SPECC1L: variants seen among roughly 807,000 people sequenced by gnomAD.
SPECC1L encodes cytospin-A.
Under a neutral mutation model 116.8 loss-of-function variants are expected in SPECC1L, and 40 were observed. That is an observed-to-expected ratio of 0.34 (90% CI 0.27 to 0.45). The LOEUF is 0.45. Ranked by LOEUF, SPECC1L falls within the 20% of genes least tolerant of loss-of-function variation. The pLI, the probability that SPECC1L is intolerant of heterozygous loss-of-function variation, is 1.00. For missense variants in SPECC1L, 1,110 were observed against 1,373.6 expected, an observed-to-expected ratio of 0.81 and a Z score of 3.03; for synonymous variants, 504 against 500.6, an observed-to-expected ratio of 1.01 and a Z score of -0.09.
At chr22:24,320,888 C>T (rs2040708050) in intron 4 of SPECC1L, among the ~76,000 whole-genome samples, 1 of 152,154 alleles carries the variant, frequency 6.6e-6, no homozygotes, top group South Asian at 2.1e-4. Flanking sequence ...AGTTAGTTTA[C>T]CACCGACTGG....
chr22:24,329,712 A>T (rs1601563612), intron 7 of SPECC1L, among the ~76,000 whole-genome samples: 1 of 152,154 alleles, frequency 6.6e-6, no homozygotes, highest in Admixed American at 6.5e-5. Context: ...CAGACCACGT[A>T]GTTCCTTACC....
chr22:24,294,881 C>T (rs1356696365), intron 2 of SPECC1L, among the ~76,000 whole-genome samples: 1 of 152,172 alleles, frequency 6.6e-6, no homozygotes, highest in South Asian at 2.1e-4. Flanking sequence ...ATTTTTTTGT[C>T]GATGTTGCAC....
intron 2 of SPECC1L, among the ~76,000 whole-genome samples, chr22:24,298,366 A>G (rs2049308994): frequency 6.6e-6 from 1 of 152,228 alleles, no homozygotes; most frequent in Non-Finnish European, 1.5e-5. Flanking sequence ...AACATAGTAT[A>G]TATGGAGTTG....
intron 14 of SPECC1L, among the ~76,000 whole-genome samples, chr22:24,380,581 A>T (rs773738270): frequency 1.3e-5 from 2 of 152,262 alleles, no homozygotes; most frequent in African/African-American, 2.4e-5. Context: ...CTGTAATTTC[A>T]TTAAGCATCC....
At chr22:24,387,346 G>A (rs1199727328) in intron 14 of SPECC1L, among the ~76,000 whole-genome samples, 1 of 152,194 alleles carries the variant, frequency 6.6e-6, no homozygotes, top group African/African-American at 2.4e-5. Context: ...CAAAACAGTG[G>A]TGAGATTAAT....
chr22:24,283,293 TGGTCTC>T (rs1033443675), intron 2 of SPECC1L, among the ~76,000 whole-genome samples: 1 of 151,406 alleles, frequency 6.6e-6, no homozygotes, highest in African/African-American at 2.4e-5. Context: ...TTAGCCAGGA[TGGTCTC>T]GATCTCCTGA....
At chr22:24,301,434 T>A (rs1359766792) in intron 2 of SPECC1L, among the ~76,000 whole-genome samples, 7 of 152,182 alleles carry the variant, frequency 4.6e-5, no homozygotes, top group Admixed American at 4.6e-4. Flanking sequence ...GAGTTGAAAA[T>A]ACGTTTATTA....
intron 10 of SPECC1L, among the ~76,000 whole-genome samples, chr22:24,346,778 T>C (rs1329519331): frequency 6.6e-6 from 1 of 152,232 alleles, no homozygotes; most frequent in Non-Finnish European, 1.5e-5. Flanking sequence ...GTCAAAATCC[T>C]GCTGGTGGTA....
chr22:24,300,789 A>G (rs887488005), intron 2 of SPECC1L, among the ~76,000 whole-genome samples: 2 of 152,240 alleles, frequency 1.3e-5, no homozygotes, highest in African/African-American at 4.8e-5. Flanking sequence ...ATGGAACAGA[A>G]CAGAGACCTC....
At chr22:24,365,885 C>G (rs5760367) in intron 13 of SPECC1L, among the ~76,000 whole-genome samples, 15,306 of 145,092 alleles carry the variant, frequency 0.11, 1,706 homozygotes, top group African/African-American at 0.28. Context: ...GCATGCAAAA[C>G]GAAGTATTAT....
intron 14 of SPECC1L, among the ~76,000 whole-genome samples, chr22:24,403,284 C>T (rs530291098): frequency 2.0e-5 from 3 of 152,110 alleles, no homozygotes; most frequent in East Asian, 3.9e-4. Flanking sequence ...GGAATTATCT[C>T]GTAGAGTAGA....
chr22:24,353,365 A>C (rs1327336357), intron 11 of SPECC1L, among the ~76,000 whole-genome samples: 4 of 152,148 alleles, frequency 2.6e-5, no homozygotes, highest in Non-Finnish European at 5.9e-5. Context: ...TATTTTGCAG[A>C]ATGTCTCTCA....
chr22:24,413,993 C>T (rs1243348290), intron 16 of SPECC1L, among the ~76,000 whole-genome samples: 2 of 152,148 alleles, frequency 1.3e-5, no homozygotes, highest in African/African-American at 4.8e-5. Context: ...GGGGTGGGTC[C>T]ACGGTTTCCC....
At chr22:24,370,823 A>G (rs2041857572) in intron 14 of SPECC1L, among the ~76,000 whole-genome samples, 1 of 152,200 alleles carries the variant, frequency 6.6e-6, no homozygotes, top group Non-Finnish European at 1.5e-5. Context: ...AGCCATATAC[A>G]AAAGGGCTAA....
At chr22:24,273,927 T>G (rs141153673) in intron 1 of SPECC1L, among the ~76,000 whole-genome samples, 1 of 152,130 alleles carries the variant, frequency 6.6e-6, no homozygotes, top group African/African-American at 2.4e-5. Context: ...CCTGGCTGAT[T>G]TTGTATTTTT....
Position 24,321,578 on chromosome 22 carries a change from T to G in SPECC1L, c.598T>G (p.Leu200Val). The change falls in exon 5 of 17, where the codon TTA becomes GTA. Residue 200 changes from leucine (L) to valine (V), a missense_variant. Leu to Val is a conservative substitution (Grantham distance 32, BLOSUM62 1). This residue lies in a region of SPECC1L where 437 missense variants were observed against 482.6 expected (regional missense o/e 0.91). Transcript: ENST00000314328. ...GGCAAAAACCAAAGACGTAGAAATT[T>G]TACATTTGAGAAATGAACTGCGAGA... is the stretch of plus-strand genomic sequence containing the variant. ...TLAKTKDVEI[L>V]HLRNELRDMR... The G allele has an allele frequency of 6.2e-7, 1 of 1,614,196 alleles. No individual in the cohort carries two copies. The highest frequency in any genetic ancestry group is 1.3e-5 in the African/African-American group (1 of 75,050).
intron 14 of SPECC1L, among the ~76,000 whole-genome samples, chr22:24,403,759 G>T (rs949111712): frequency 3.3e-5 from 5 of 152,204 alleles, no homozygotes; most frequent in African/African-American, 1.2e-4. Flanking sequence ...AAATAAACTC[G>T]TAAGAAGGGA....
At position 24,411,707 on chromosome 22, in the gene SPECC1L, AGGC is replaced by A; in HGVS notation, c.3204+4_3204+6del. 6.2e-7 allele frequency: 1 copy of A among 1,609,704 alleles called. No individual in the cohort carries two copies. The highest frequency in any genetic ancestry group is 8.5e-7 in the Non-Finnish European group (1 of 1,177,200). On this transcript the variant is annotated splice_donor_5th_base_variant and intron_variant, in intron 15 of 16. Coordinates refer to ENST00000314328, the MANE Select transcript of SPECC1L (RefSeq NM_015330.6). ...AAGAACTGAACAGCCAGGATAAGGT[AGGC>A]CATGGAGGGCCAGCTCCTGGCACCC... is the stretch of plus-strand genomic sequence containing the variant.
chr22:24,411,460 G>T (rs952870434), intron 14 of SPECC1L, 128 bp from the exon 15 acceptor site: 11 of 841,586 alleles, frequency 1.3e-5, no homozygotes, highest in African/African-American at 5.0e-5. Context: ...GGACACAGCC[G>T]CCCTGCCCTG....
Sources: gnomAD v4.1 joint callset for allele counts (sites outside exome capture counted in the v4.1 genomes callset) on GRCh38, gnomAD v4.1.1 for gene constraint, gnomAD v4.1.1 regional missense constraint, MANE v1.5 for transcripts, NCBI Gene and HGNC (gene_info 2026-07-23, HGNC 2026-07-21) for gene names.